Variants in WWOX observed in about 807,000 individuals in gnomAD.
WWOX encodes WW domain-containing oxidoreductase.
In WWOX, 69 loss-of-function variants were observed where a neutral mutation model predicts 46.2. The ratio of observed to expected loss-of-function variants is 1.49; its 90% confidence interval spans 1.23 to 1.82. WWOX has a LOEUF of 1.82. Ranked by LOEUF, WWOX falls within the 40% of genes most tolerant of loss-of-function variation. WWOX has a pLI of 0.00. For synonymous variants in WWOX, 359 were observed against 202.6 expected, an observed-to-expected ratio of 1.77 and a Z score of -6.56; for missense variants, 919 against 542.6, an observed-to-expected ratio of 1.69 and a Z score of -6.89.
chr16:79,112,261 G>A (rs976047389), intron 8 of WWOX, among the ~76,000 whole-genome samples: 1 of 152,118 alleles, frequency 6.6e-6, no homozygotes, highest in Admixed American at 6.5e-5. Flanking sequence ...CTGTCCACTT[G>A]ACGGACAGGC....
At chr16:78,706,800 A>G (rs996191806) in intron 8 of WWOX, among the ~76,000 whole-genome samples, 6 of 152,002 alleles carry the variant, frequency 3.9e-5, no homozygotes, top group Non-Finnish European at 7.4e-5. Context: ...CAGGATACAA[A>G]CTACCTTTTT....
intron 4 of WWOX, among the ~76,000 whole-genome samples, chr16:78,141,768 G>T (rs2033996363): frequency 6.6e-6 from 1 of 151,894 alleles, no homozygotes; most frequent in Admixed American, 6.6e-5. Context: ...TTTTTGGATA[G>T]AAATTTATCA....
chr16:78,306,246 A>G (rs570545092), intron 5 of WWOX, among the ~76,000 whole-genome samples: 1 of 152,348 alleles, frequency 6.6e-6, no homozygotes, highest in African/African-American at 2.4e-5. Flanking sequence ...TTTATGGAAT[A>G]ATAACATTCA....
At chr16:78,773,457 T>G (rs2050115493) in intron 8 of WWOX, among the ~76,000 whole-genome samples, 1 of 152,212 alleles carries the variant, frequency 6.6e-6, no homozygotes, top group African/African-American at 2.4e-5. Context: ...TCCTCCCTCA[T>G]TTAAAACAAT....
At position 78,697,265 on chromosome 16, in the gene WWOX, G is replaced by C. The variant is rs1280705320; in HGVS notation, c.1056+264513G>C. Among the ~76,000 whole-genome samples, 6 of 152,158 alleles carry C rather than the reference G, an allele frequency of 3.9e-5. No individual in the cohort carries two copies. The East Asian group carries it at 1.2e-3, about 29-fold the overall frequency. On this transcript the variant is annotated intron_variant, in intron 8 of 8. Transcript: ENST00000566780. The stretch of plus-strand genomic sequence containing the variant: ...ACTGTTTTCCATAGTGGTTGTACTA[G>C]TTTACATTCCCACCAGCAGTGTAGA...
intron 8 of WWOX, among the ~76,000 whole-genome samples, chr16:79,014,371 T>A (rs2047371761): frequency 6.6e-6 from 1 of 152,218 alleles, no homozygotes; most frequent in African/African-American, 2.4e-5. Flanking sequence ...TGTTTTCTAT[T>A]GTCCCCGAAT....
chr16:79,037,157 C>A (rs1216445780), intron 8 of WWOX, among the ~76,000 whole-genome samples: 2 of 152,200 alleles, frequency 1.3e-5, no homozygotes, highest in Non-Finnish European at 2.9e-5. Flanking sequence ...ACAAAGCTGC[C>A]TTGACTGCCA....
chr16:78,862,856 G>A (rs910555374), intron 8 of WWOX, among the ~76,000 whole-genome samples: 4 of 151,924 alleles, frequency 2.6e-5, no homozygotes, highest in Non-Finnish European at 4.4e-5. Context: ...CTCCAGAAAC[G>A]CCTTCATGGA....
intron 8 of WWOX, among the ~76,000 whole-genome samples, chr16:78,739,640 G>T (rs376469632): frequency 7.9e-5 from 12 of 152,106 alleles, no homozygotes; most frequent in African/African-American, 2.9e-4. Context: ...GATAAACCTC[G>T]TCTCTACTGA....
chr16:78,109,493 G>T (rs759633784), intron 2 of WWOX, among the ~76,000 whole-genome samples: 4 of 152,194 alleles, frequency 2.6e-5, no homozygotes, highest in Non-Finnish European at 5.9e-5. Context: ...CTCATTCAAG[G>T]GAGAATTCCC....
intron 8 of WWOX, chr16:78,994,241 G>A (rs888844483): frequency 3.3e-5 from 5 of 151,706 alleles, no homozygotes; most frequent in Admixed American, 6.6e-5. Context: ...TTCCCCTAGC[G>A]TGCTGAAGGG....
chr16:78,885,635 G>C (rs1168507621), intron 8 of WWOX, among the ~76,000 whole-genome samples: 1 of 152,174 alleles, frequency 6.6e-6, no homozygotes, highest in South Asian at 2.1e-4. Context: ...ATTTGAGCAA[G>C]TTGCAATTTG....
At chr16:78,222,666 C>G (rs948180825) in intron 5 of WWOX, among the ~76,000 whole-genome samples, 3 of 152,172 alleles carry the variant, frequency 2.0e-5, no homozygotes, top group African/African-American at 7.2e-5. Flanking sequence ...CGAGGCTGGC[C>G]CATTGTTACA....
At chr16:78,122,540 CTTTTGCTT>C (rs964401100) in intron 4 of WWOX, among the ~76,000 whole-genome samples, 9 of 151,710 alleles carry the variant, frequency 5.9e-5, no homozygotes, top group African/African-American at 2.2e-4. Context: ...ATAATTTGAT[CTTTTGCTT>C]TTACATCATA....
chr16:78,926,586 T>C (rs2045503797), intron 8 of WWOX, among the ~76,000 whole-genome samples: 2 of 152,168 alleles, frequency 1.3e-5, no homozygotes, highest in Admixed American at 6.5e-5. Context: ...TCTTTGCTGT[T>C]GGTCTGTGAT....
chr16:79,117,958 C>A (rs533913526), intron 8 of WWOX, among the ~76,000 whole-genome samples: 1 of 152,310 alleles, frequency 6.6e-6, no homozygotes, highest in South Asian at 2.1e-4. Flanking sequence ...TGGGTGATAA[C>A]GCTGTTTTGG....
At chr16:78,984,735 A>C (rs1354079904) in intron 8 of WWOX, among the ~76,000 whole-genome samples, 1 of 152,194 alleles carries the variant, frequency 6.6e-6, no homozygotes, top group Non-Finnish European at 1.5e-5. Context: ...TTTAGTTAGA[A>C]GTGGTCAGAC....
At chr16:79,013,809 A>G (rs978111849) in intron 8 of WWOX, among the ~76,000 whole-genome samples, 7 of 152,054 alleles carry the variant, frequency 4.6e-5, no homozygotes, top group Non-Finnish European at 8.8e-5. Flanking sequence ...TGCCTCCTAC[A>G]TGGGGAAGGT....
intron 8 of WWOX, among the ~76,000 whole-genome samples, chr16:78,787,219 G>A (rs2050479397): frequency 6.6e-6 from 1 of 152,098 alleles, no homozygotes. Context: ...AAAATTCAGT[G>A]ACTTTTAATA....
Sources: gnomAD v4.1 joint callset for allele counts (sites outside exome capture counted in the v4.1 genomes callset) on GRCh38, gnomAD v4.1.1 for gene constraint, MANE v1.5 for transcripts, NCBI Gene and HGNC (gene_info 2026-07-23, HGNC 2026-07-21) for gene names.